Variants in GSE1 observed in about 807,000 individuals in gnomAD.
The protein encoded by GSE1 is genetic suppressor element 1.
A neutral mutation model predicts 112.6 loss-of-function variants in GSE1; 32 were observed. The observed-to-expected ratio is 0.28, with a 90% CI of 0.21 to 0.38. The LOEUF (loss-of-function observed/expected upper bound fraction) is 0.38, where lower values mean the gene tolerates loss of function less well. Among genes scored for constraint, GSE1 ranks in the 10% least tolerant of loss-of-function variants. The probability of loss-of-function intolerance (pLI) is 1.00; values close to 1 mark genes in which losing one functional copy is unlikely to be tolerated. For missense variants in GSE1, 2,348 were observed against 1,699.2 expected (o/e 1.38, Z -6.71); for synonymous variants, 1,115 against 735.6 (o/e 1.52, Z -8.35).
rs755601606 is a variant in GSE1, at chr16:85,655,951, C to G, written c.989+34C>G. On this transcript the variant is annotated intron_variant, in intron 6 of 15. Coordinates refer to ENST00000253458, the MANE Select transcript of GSE1 (RefSeq NM_014615.5). ...GTCTCGAGCCGAGGAGCCCCTCTGC[C>G]CTCCCTGTCCCTTGATGGCAGCTGG... The G allele has an allele frequency of 2.0e-6, 3 of 1,529,566 alleles. No individual in the cohort carries two copies. In the Admixed American group the frequency reaches 5.2e-5, roughly 26 times the overall value. 94.7% of individuals were successfully genotyped at this position (1,529,566 alleles called of 1,614,324 possible). A position where few individuals can be genotyped will look rare whatever the true frequency, so the allele number is the denominator to read the frequency against.
At chr16:85,170,565 G>C (rs1173786437) in exon 1 of GSE1, 2 of 985,626 alleles carry the variant, frequency 2.0e-6, no homozygotes, top group Non-Finnish European at 2.4e-6. Context: ...CCAAAGAGAA[G>C]AACAGTGGCC....
At chr16:85,204,976 C>A (rs1026261970) in intron 1 of GSE1, among the ~76,000 whole-genome samples, 3 of 152,230 alleles carry the variant, frequency 2.0e-5, no homozygotes, top group South Asian at 4.1e-4. Flanking sequence ...ATCCCTTAAA[C>A]CCCCTAGAAT....
At chr16:85,615,922 A>G (rs930335824) in intron 1 of GSE1, among the ~76,000 whole-genome samples, 7 of 152,212 alleles carry the variant, frequency 4.6e-5, no homozygotes, top group African/African-American at 1.7e-4. Context: ...GCTTGGGGCC[A>G]GGCGTGGGGC....
chr16:85,411,726 T>C (rs1167518240), intron 2 of GSE1, among the ~76,000 whole-genome samples: 12 of 64,086 alleles, frequency 1.9e-4, no homozygotes, highest in Admixed American at 3.8e-4. Flanking sequence ...TAATCCTCAC[T>C]GTTACACTCA....
chr16:85,507,528 A>G (rs2051579452), intron 2 of GSE1, among the ~76,000 whole-genome samples: 1 of 152,236 alleles, frequency 6.6e-6, no homozygotes, highest in Admixed American at 6.5e-5. Flanking sequence ...CTTGAACAAT[A>G]GAAATCCATT....
intron 2 of GSE1, among the ~76,000 whole-genome samples, chr16:85,499,453 G>A (rs535839993): frequency 1.6e-4 from 24 of 152,020 alleles, no homozygotes; most frequent in African/African-American, 5.8e-4. Context: ...TGTGACTACA[G>A]GCACCCGCCA....
At chr16:85,414,671 G>T (rs763879274) in intron 2 of GSE1, among the ~76,000 whole-genome samples, 2 of 152,180 alleles carry the variant, frequency 1.3e-5, no homozygotes, top group Admixed American at 6.5e-5. Flanking sequence ...GTCTTGCTCT[G>T]TCACCCAGGC....
At chr16:85,531,769 G>T (rs1014651915) in intron 2 of GSE1, among the ~76,000 whole-genome samples, 1 of 152,250 alleles carries the variant, frequency 6.6e-6, no homozygotes, top group Admixed American at 6.5e-5. Context: ...CCCGGGTCCT[G>T]AGACAATGGG....
chr16:85,451,845 G>C (rs2049691767), intron 2 of GSE1, among the ~76,000 whole-genome samples: 1 of 152,190 alleles, frequency 6.6e-6, no homozygotes, highest in Admixed American at 6.6e-5. Context: ...ACCACTGTAT[G>C]GATGCACCAC....
chr16:85,296,534 G>C (rs1285032434), intron 1 of GSE1, among the ~76,000 whole-genome samples: 2 of 152,192 alleles, frequency 1.3e-5, no homozygotes, highest in African/African-American at 2.4e-5. Flanking sequence ...TTGAGCCCAG[G>C]AGGTGGAGGT....
chr16:85,243,357 G>A lies in GSE1; in HGVS notation c.2283+71550G>A, dbSNP rs148658999. The stretch of plus-strand genomic sequence containing the variant: ...ATCTCTTTGCTTCTAAAGGGTGCCT[G>A]TGAGGGGAAGGACACGGGCAGTGGG... On this transcript the variant is annotated intron_variant, in intron 1 of 2. Coordinates refer to the GSE1 transcript ENST00000637419. Among the ~76,000 whole-genome samples the A allele has an allele frequency of 3.0e-3, 452 of 152,370 alleles. 4 individuals carry two copies. Among genetic ancestry groups the A allele is most frequent in the African/African-American group, 0.01 (430 of 41,582 alleles).
rs114534378 is a variant in GSE1 at position 85,323,883 on chromosome 16, G to A, written c.2284-33580G>A. Among the ~76,000 whole-genome samples, 677 of 152,294 alleles carry A rather than the reference G, an allele frequency of 4.4e-3. 4 individuals carry two copies. The highest frequency in any genetic ancestry group is 0.024 in the Middle Eastern group (7 of 292). Reference sequence around the variant, plus strand: ...ACACAGAGTGGCTGGTCATCTGGCCGCCTGCCACACAGCTTCCAAGTCCAG... The same window carrying A: ...ACACAGAGTGGCTGGTCATCTGGCCACCTGCCACACAGCTTCCAAGTCCAG... On this transcript the variant is annotated intron_variant, in intron 1 of 2. Transcript: ENST00000637419.
intron 2 of GSE1, among the ~76,000 whole-genome samples, chr16:85,442,805 G>T (rs977011103): frequency 6.6e-6 from 1 of 152,204 alleles, no homozygotes; most frequent in Admixed American, 6.5e-5. Flanking sequence ...GAAATGACAG[G>T]AATGCATCTC....
intron 1 of GSE1, among the ~76,000 whole-genome samples, chr16:85,321,938 G>A (rs1051782160): frequency 6.6e-6 from 1 of 152,210 alleles, no homozygotes; most frequent in African/African-American, 2.4e-5. Context: ...GAGCCAGCTG[G>A]GGTAGAGCCA....
At chr16:85,182,326 G>T (rs1160702137) in intron 1 of GSE1, among the ~76,000 whole-genome samples, 2 of 152,234 alleles carry the variant, frequency 1.3e-5, no homozygotes, top group African/African-American at 2.4e-5. Context: ...TGTTGTCCAA[G>T]AAACCAGGCA....
intron 1 of GSE1, among the ~76,000 whole-genome samples, chr16:85,174,995 C>G (rs953323616): frequency 6.6e-6 from 1 of 152,228 alleles, no homozygotes. Context: ...AGCCACTCAG[C>G]TGGGGACGTG....
At chr16:85,400,876 T>C (rs2048096715) in intron 2 of GSE1, among the ~76,000 whole-genome samples, 1 of 151,992 alleles carries the variant, frequency 6.6e-6, no homozygotes, top group African/African-American at 2.4e-5. Flanking sequence ...GTTGTGTGTG[T>C]CTCTGTGTGT....
At chr16:85,657,233 G>A (rs751796110) in intron 7 of GSE1, 44 bp from the exon 8 acceptor site, 2 of 1,337,488 alleles carry the variant, frequency 1.5e-6, no homozygotes, top group Non-Finnish European at 1.0e-6. Context: ...GAGCATGCTG[G>A]CCCACGTGGC....
chr16:85,415,130 G>C (rs2048674299), intron 2 of GSE1, among the ~76,000 whole-genome samples: 1 of 152,160 alleles, frequency 6.6e-6, no homozygotes, highest in Non-Finnish European at 1.5e-5. Context: ...TGTAGAGACA[G>C]GGTCTCCCTA....
Sources: gnomAD v4.1 joint callset for allele counts (sites outside exome capture counted in the v4.1 genomes callset) on GRCh38, gnomAD v4.1.1 for gene constraint, MANE v1.5 for transcripts, NCBI Gene and HGNC (gene_info 2026-07-23, HGNC 2026-07-21) for gene names.